The following CCDC57 variants were observed in gnomAD, a reference collection of about 807,000 sequenced individuals.
CCDC57 encodes the protein coiled-coil domain-containing protein 57.
In CCDC57, 118 loss-of-function variants were observed where a neutral mutation model predicts 118.9. The ratio of observed to expected loss-of-function variants is 0.99; its 90% CI spans 0.86 to 1.16. CCDC57 has a LOEUF of 1.16. CCDC57 is among the 50% of genes most tolerant of loss of function. The pLI is 0.00. For missense variants in CCDC57, 1,300 were observed against 1,320.7 expected (o/e 0.98, Z 0.24); for synonymous variants, 527 against 532.9 (o/e 0.99, Z 0.15).
At chr17:82,195,475 G>A in intron 4 of CCDC57, 111 bp from the exon 4 acceptor site, 1 of 801,292 alleles carries the variant, frequency 1.2e-6, no homozygotes, top group Non-Finnish European at 2.1e-6. Flanking sequence ...GTTTAACAGA[G>A]AAGGACCACA....
chr17:82,118,417 G>A lies in CCDC57; in HGVS notation c.2899+9275C>T, dbSNP rs562730729. On this transcript the variant is annotated intron_variant, in intron 19 of 19. Transcript: ENST00000665763. This position sits in a 1 kb window ranked among gnomAD's most constrained non-coding sequence, Gnocchi z 4.7. Reference sequence around the variant, plus strand: ...TATTCATTAGCGCAGGATGCCCCACGCATCCGGAGATGGGGTTTGGAACAT... The same window carrying A: ...TATTCATTAGCGCAGGATGCCCCACACATCCGGAGATGGGGTTTGGAACAT... Among the ~76,000 whole-genome samples the A allele has an allele frequency of 6.0e-4, 92 of 152,306 alleles. No individual in the cohort carries two copies. Among genetic ancestry groups the A allele is most frequent in the Admixed American group, 1.6e-3 (25 of 15,300 alleles).
chr17:82,176,033 C>T (rs1324499736), intron 11 of CCDC57, among the ~76,000 whole-genome samples: 1 of 152,204 alleles, frequency 6.6e-6, no homozygotes, highest in Admixed American at 6.5e-5. Context: ...AGAGCTGAGG[C>T]GGGGCTTGCT....
intron 1 of CCDC57, among the ~76,000 whole-genome samples, chr17:82,209,995 T>C (rs1357889005): frequency 6.6e-6 from 1 of 152,054 alleles, no homozygotes; most frequent in African/African-American, 2.4e-5. Flanking sequence ...AAATGACTGA[T>C]TCTGGGATAT....
intron 5 of CCDC57, 127 bp from the exon 5 acceptor site, chr17:82,194,266 A>C: frequency 1.0e-6 from 1 of 978,898 alleles, no homozygotes; most frequent in Non-Finnish European, 1.5e-6. Context: ...GAAGCAGTAA[A>C]ACAGTGAGAA....
At chr17:82,104,006 G>A (rs987540033) in intron 19 of CCDC57, among the ~76,000 whole-genome samples, 2 of 152,214 alleles carry the variant, frequency 1.3e-5, no homozygotes, top group African/African-American at 4.8e-5. Flanking sequence ...CCAGGGCAGC[G>A]GACAGCCCCA....
chr17:82,175,123 C>A (rs1003689372), intron 11 of CCDC57, among the ~76,000 whole-genome samples: 5 of 152,242 alleles, frequency 3.3e-5, no homozygotes, highest in Non-Finnish European at 5.9e-5. Flanking sequence ...CATTTAGATT[C>A]TGTTCGTGAA....
chr17:82,151,845 A>G, intron 15 of CCDC57, 72 bp from the exon 15 acceptor site: 1 of 1,339,456 alleles, frequency 7.5e-7, no homozygotes. Flanking sequence ...GTGCCCACCC[A>G]AGGAGCCTCT....
chr17:82,128,155 A>C (rs777340881), intron 18 of CCDC57, among the ~76,000 whole-genome samples: 2 of 152,242 alleles, frequency 1.3e-5, no homozygotes, highest in South Asian at 2.1e-4. Flanking sequence ...TCAACACTTA[A>C]ATGACAAAAC....
intron 4 of CCDC57, among the ~76,000 whole-genome samples, chr17:82,196,291 T>G (rs2146793330): frequency 6.6e-6 from 1 of 152,346 alleles, no homozygotes; most frequent in Middle Eastern, 3.4e-3. Flanking sequence ...TGACCACGGA[T>G]TTTAGACGCT....
At chr17:82,179,261 T>C (rs2045905741) in intron 9 of CCDC57, 72 bp from the exon 9 acceptor site, 3 of 1,528,658 alleles carry the variant, frequency 2.0e-6, no homozygotes, top group Admixed American at 3.8e-5. Context: ...AGAGGCACGA[T>C]GGGAAAGGCA....
intron 16 of CCDC57, among the ~76,000 whole-genome samples, chr17:82,137,563 A>C (rs144349396): frequency 4.6e-5 from 7 of 152,294 alleles, no homozygotes; most frequent in Non-Finnish European, 1.0e-4. Flanking sequence ...TGGGTAGCTA[A>C]ATATTATTTC....
rs375738480 is a variant in CCDC57 at position 82,187,541 on chromosome 17, G to T, written c.1052+678C>A. Among the ~76,000 whole-genome samples, 15 of 68,876 alleles carry T rather than the reference G, an allele frequency of 2.2e-4. No homozygotes were observed. In the East Asian group the frequency reaches 4.6e-3, roughly 21 times the overall value. 45.2% of individuals were successfully genotyped at this position (68,876 alleles called of 152,430 possible). On this transcript the variant is annotated intron_variant, in intron 8 of 19. Coordinates refer to ENST00000665763, the Ensembl canonical transcript of CCDC57. ...GGTGGCCGGGGCTGGTGGGGCTCGGGGGGAGCTGGCAGGGGTCGGGGGGGC... is the reference window on the plus strand; with the variant it reads ...GGTGGCCGGGGCTGGTGGGGCTCGGTGGGAGCTGGCAGGGGTCGGGGGGGC...
At chr17:82,189,959 G>A (rs551377415) in intron 7 of CCDC57, among the ~76,000 whole-genome samples, 5 of 152,190 alleles carry the variant, frequency 3.3e-5, no homozygotes, top group African/African-American at 7.2e-5. Flanking sequence ...GCAGTGAGCC[G>A]AGATTGCGCC....
intron 19 of CCDC57, among the ~76,000 whole-genome samples, chr17:82,109,912 AAGAC>A (rs1397969630): frequency 1.3e-5 from 2 of 152,050 alleles, no homozygotes; most frequent in East Asian, 1.9e-4. Context: ...TCCAGTTAAA[AAGAC>A]AGAAAAAGTA....
chr17:82,141,519 A>G (rs963544360), intron 16 of CCDC57, among the ~76,000 whole-genome samples: 11 of 152,188 alleles, frequency 7.2e-5, no homozygotes, highest in Non-Finnish European at 1.5e-4. Context: ...TTTAAAAGTC[A>G]ATCTGAAATT....
exon 3 of CCDC57, chr17:82,201,746 G>T: frequency 6.2e-7 from 1 of 1,613,962 alleles, no homozygotes; most frequent in East Asian, 2.2e-5. Flanking sequence ...TCGAGGTCCC[G>T]CTCCTCCAGC....
At chr17:82,196,393 T>C (rs2048303309) in intron 4 of CCDC57, among the ~76,000 whole-genome samples, 1 of 152,244 alleles carries the variant, frequency 6.6e-6, no homozygotes, top group East Asian at 1.9e-4. Context: ...GAAAGTCCTC[T>C]GCAGGCCATT....
chr17:82,177,893 C>T (rs1186624358), intron 11 of CCDC57, among the ~76,000 whole-genome samples: 2 of 152,210 alleles, frequency 1.3e-5, no homozygotes, highest in Non-Finnish European at 2.9e-5. Flanking sequence ...GCAGTCCTCC[C>T]GTGCTGGGCC....
chr17:82,203,613 C>T lies in CCDC57; in HGVS notation c.-8-1661G>A, dbSNP rs76508782. On this transcript the variant is annotated intron_variant, in intron 2 of 19. Transcript: ENST00000665763. ...GGGTCATTCAAACTCAGGAGTTCCA[C>T]GCTGCAGTGAGTGGTCTATTAAAAG... Among the ~76,000 whole-genome samples the T allele has an allele frequency of 5.8e-3, 884 of 152,296 alleles. 2 individuals are homozygous for T. Among genetic ancestry groups the T allele is most frequent in the Non-Finnish European group, 9.8e-3 (669 of 68,016 alleles).
Sources: allele counts gnomAD v4.1 joint callset (sites outside exome capture counted in the v4.1 genomes callset), GRCh38; gene constraint gnomAD v4.1.1; non-coding constraint Gnocchi (gnomAD v3.1); transcripts MANE v1.5; gene names NCBI Gene and HGNC (gene_info 2026-07-23, HGNC 2026-07-21).